Variants in ADAMTS17 observed in about 807,000 individuals in gnomAD.
The protein encoded by ADAMTS17 is A disintegrin and metalloproteinase with thrombospondin motifs 17.
ADAMTS17 carries 113 observed loss-of-function variants against 141.5 expected under a neutral mutation model. The observed-to-expected ratio is 0.80, with a 90% CI of 0.69 to 0.93. The LOEUF is 0.93. Among genes scored for constraint, ADAMTS17 ranks in the 40% least tolerant of loss-of-function variants. ADAMTS17 has a pLI of 0.00. For missense variants in ADAMTS17, 1,659 were observed against 1,517.9 expected (o/e 1.09, Z -1.54); for synonymous variants, 768 against 630.6 (o/e 1.22, Z -3.27).
chr15:100,225,366 A>G (rs2042260643), intron 7 of ADAMTS17, among the ~76,000 whole-genome samples: 3 of 152,288 alleles, frequency 2.0e-5, no homozygotes, highest in Non-Finnish European at 4.4e-5. Context: ...AGAGGGGACA[A>G]AGGGGACTTG....
intron 10 of ADAMTS17, among the ~76,000 whole-genome samples, chr15:100,146,935 T>C (rs1313138178): frequency 7.9e-5 from 12 of 152,170 alleles, no homozygotes; most frequent in Admixed American, 7.9e-4. Context: ...AAACTCTGTC[T>C]CCTGATAAGA....
At chr15:100,097,012 C>T (rs28519691) in intron 14 of ADAMTS17, among the ~76,000 whole-genome samples, 9,843 of 152,224 alleles carry the variant, frequency 0.065, 1,022 homozygotes, top group African/African-American at 0.22. Context: ...CCTCTTTTCT[C>T]AGGTAGGAAG....
At chr15:100,101,907 T>C (rs530747906) in intron 14 of ADAMTS17, among the ~76,000 whole-genome samples, 1 of 152,190 alleles carries the variant, frequency 6.6e-6, no homozygotes, top group Non-Finnish European at 1.5e-5. Context: ...GAGTGCAGAT[T>C]TTAGGCCAGT....
intron 3 of ADAMTS17, among the ~76,000 whole-genome samples, chr15:100,304,624 T>G (rs2045158640): frequency 6.6e-6 from 1 of 152,358 alleles, no homozygotes; most frequent in East Asian, 1.9e-4. Flanking sequence ...TTCTCACCAC[T>G]GTCTTCTTTC....
chr15:100,193,171 C>CTT (rs890754890), intron 8 of ADAMTS17, among the ~76,000 whole-genome samples: 1 of 152,252 alleles, frequency 6.6e-6, no homozygotes, highest in Non-Finnish European at 1.5e-5. Flanking sequence ...TCTCCTGCCT[C>CTT]TTCTGGGTCC....
At chr15:100,286,959 G>T (rs1232813302) in intron 3 of ADAMTS17, among the ~76,000 whole-genome samples, 1 of 152,258 alleles carries the variant, frequency 6.6e-6, no homozygotes, top group Admixed American at 6.5e-5. Flanking sequence ...CAAGGCCGAA[G>T]TGGGCGGATC....
Position 100,152,770 on chromosome 15 carries a change from A to T in ADAMTS17, c.1323-8T>A. The T allele has an allele frequency of 6.2e-7, 1 of 1,613,654 alleles. No individual in the cohort carries two copies. Among genetic ancestry groups the T allele is most frequent in the Non-Finnish European group, 8.5e-7 (1 of 1,180,004 alleles). On this transcript the variant is annotated splice_polypyrimidine_tract_variant and splice_region_variant and intron_variant, in intron 9 of 21. Transcript: ENST00000268070. ...CAGGTGCTGACTTTTGACCTGAAAC[A>T]GCCGAGAGGCAAGTTGACTTGCAAA...
At chr15:100,008,127 C>T (rs2061075087) in intron 18 of ADAMTS17, among the ~76,000 whole-genome samples, 1 of 152,050 alleles carries the variant, frequency 6.6e-6, no homozygotes, top group Non-Finnish European at 1.5e-5. Flanking sequence ...AGGGTGGTCC[C>T]AATGCCTCTT....
chr15:100,053,562 G>A (rs573990150), intron 16 of ADAMTS17, among the ~76,000 whole-genome samples: 1 of 152,176 alleles, frequency 6.6e-6, no homozygotes, highest in Non-Finnish European at 1.5e-5. Context: ...CTTGGAGTGG[G>A]GCTGTCTGCT....
intron 18 of ADAMTS17, among the ~76,000 whole-genome samples, chr15:100,015,199 G>C (rs75520610): frequency 0.015 from 2,281 of 152,230 alleles, 44 homozygotes; most frequent in African/African-American, 0.051. Flanking sequence ...CACTTTTGCT[G>C]TCTATTTGCA....
chr15:100,285,741 G>A (rs1473951135), intron 3 of ADAMTS17, among the ~76,000 whole-genome samples: 6 of 152,182 alleles, frequency 3.9e-5, no homozygotes, highest in Non-Finnish European at 8.8e-5. Flanking sequence ...TGAGAGAGGT[G>A]GCAGGGGCAG....
intron 8 of ADAMTS17, among the ~76,000 whole-genome samples, chr15:100,171,819 C>A (rs941618871): frequency 6.6e-6 from 1 of 152,174 alleles, no homozygotes; most frequent in Admixed American, 6.5e-5. Context: ...ACGGACCCAA[C>A]AAAATAAAAA....
chr15:100,220,264 A>T (rs1409686678), intron 7 of ADAMTS17, among the ~76,000 whole-genome samples: 2 of 152,194 alleles, frequency 1.3e-5, no homozygotes, highest in Non-Finnish European at 2.9e-5. Context: ...CAGTAGCCCG[A>T]GATGTCACCA....
intron 7 of ADAMTS17, among the ~76,000 whole-genome samples, chr15:100,251,370 A>G: frequency 6.6e-6 from 1 of 152,238 alleles, no homozygotes; most frequent in Admixed American, 6.5e-5. Context: ...TCCCCACAAA[A>G]TTCTTATGTA....
chr15:100,076,322 C>T (rs1343146289), intron 15 of ADAMTS17, among the ~76,000 whole-genome samples: 3 of 152,256 alleles, frequency 2.0e-5, no homozygotes, highest in South Asian at 4.2e-4. Context: ...GGGTTACAGG[C>T]GTGAGCCATT....
chr15:100,132,295 T>G lies in ADAMTS17; in HGVS notation c.1576-143A>C, dbSNP rs933321575. 7.4e-6 allele frequency: 9 copies of G among 1,216,238 alleles called. No individual in the cohort carries two copies. The African/African-American group carries it at 1.4e-4, about 18-fold the overall frequency. The allele number at this position is 1,216,238 out of a possible 1,614,324, so 75.3% of individuals were successfully genotyped here. A position where few individuals can be genotyped will look rare whatever the true frequency, so the allele number is the denominator to read the frequency against. On this transcript the variant is annotated intron_variant, in intron 11 of 21. Coordinates refer to ENST00000268070, the MANE Select transcript of ADAMTS17 (RefSeq NM_139057.4). Reference sequence around the variant, plus strand: ...ACAGTCTATTTCAGGGTTTGCACGTTTGCTAATTTTAGAGACATGCCTTAC... The same window carrying G: ...ACAGTCTATTTCAGGGTTTGCACGTGTGCTAATTTTAGAGACATGCCTTAC...
intron 15 of ADAMTS17, among the ~76,000 whole-genome samples, chr15:100,089,622 C>G (rs1231697903): frequency 6.6e-6 from 1 of 151,826 alleles, no homozygotes; most frequent in African/African-American, 2.4e-5. Context: ...GAAAATGTGG[C>G]ACATATACAC....
chr15:100,079,167 A>G (rs139129289), intron 15 of ADAMTS17, among the ~76,000 whole-genome samples: 72 of 152,340 alleles, frequency 4.7e-4, no homozygotes, highest in African/African-American at 1.7e-3. Flanking sequence ...AAAGTTAAAC[A>G]CAGAATTCTC....
rs764015465 is a variant in ADAMTS17 at position 100,152,711 on chromosome 15, T to C, written c.1374A>G (p.Thr458=). ...CCGGCAGCTTGTGCGGGAGGCGTAC[T>C]GTGTGCTGGCTTCTGGGGTCCGTGA... The part of the protein sequence containing the change: ...LLVTDPRSQH[T]VRLPHKLPGM... Residue 458 remains threonine (T), a synonymous_variant, in exon 10 of 22, where the codon ACA becomes ACG. Transcript: ENST00000268070. The C allele has an allele frequency of 3.1e-6, 5 of 1,614,254 alleles. No homozygotes were observed. In the South Asian group the frequency reaches 4.4e-5, roughly 14 times the overall value.
Sources: gnomAD v4.1 joint callset for allele counts (sites outside exome capture counted in the v4.1 genomes callset) on GRCh38, gnomAD v4.1.1 for gene constraint, MANE v1.5 for transcripts, NCBI Gene and HGNC (gene_info 2026-07-23, HGNC 2026-07-21) for gene names.